The following WWOX variants were observed in gnomAD, a reference collection of about 807,000 sequenced individuals.
The protein encoded by WWOX is WW domain-containing oxidoreductase.
WWOX carries 69 observed loss-of-function variants against 46.2 expected under a neutral mutation model. The observed-to-expected ratio is 1.49, with a 90% CI of 1.23 to 1.82. The LOEUF (loss-of-function observed/expected upper bound fraction) is 1.82, where lower values mean the gene tolerates loss of function less well. WWOX is among the 40% of genes most tolerant of loss of function. WWOX has a pLI of 0.00. For missense variants in WWOX, 919 were observed against 542.6 expected (o/e 1.69, Z -6.89); for synonymous variants, 359 against 202.6 (o/e 1.77, Z -6.56).
chr16:78,244,585 C>T (rs964924996), intron 5 of WWOX, among the ~76,000 whole-genome samples: 2 of 152,114 alleles, frequency 1.3e-5, no homozygotes, highest in Non-Finnish European at 2.9e-5. Context: ...TTTCCTGGTC[C>T]TTTTGAGTAA....
chr16:78,454,746 C>G (rs1227210680), intron 8 of WWOX, among the ~76,000 whole-genome samples: 1 of 152,218 alleles, frequency 6.6e-6, no homozygotes, highest in Non-Finnish European at 1.5e-5. Context: ...ATCCATCCTC[C>G]TCAGCCTCCC....
intron 5 of WWOX, among the ~76,000 whole-genome samples, chr16:78,382,546 G>C (rs1011965388): frequency 2.6e-5 from 4 of 152,180 alleles, no homozygotes; most frequent in African/African-American, 9.7e-5. Flanking sequence ...AGAGGATCTT[G>C]TGAGCCATGC....
At chr16:79,166,442 T>C (rs2050596092) in intron 8 of WWOX, among the ~76,000 whole-genome samples, 1 of 152,220 alleles carries the variant, frequency 6.6e-6, no homozygotes, top group South Asian at 2.1e-4. Context: ...CTCCCTCCTT[T>C]GTCACAGAGC....
At chr16:79,007,193 A>G (rs750102639) in intron 8 of WWOX, among the ~76,000 whole-genome samples, 4 of 152,186 alleles carry the variant, frequency 2.6e-5, no homozygotes, top group Non-Finnish European at 5.9e-5. Flanking sequence ...GAAGTCAACG[A>G]GAAAGTCAAG....
At chr16:79,170,028 A>G (rs2050670182) in intron 8 of WWOX, among the ~76,000 whole-genome samples, 1 of 152,096 alleles carries the variant, frequency 6.6e-6, no homozygotes, top group South Asian at 2.1e-4. Flanking sequence ...ACCCCTCCTA[A>G]AAGGAGATTT....
At chr16:79,096,931 A>C (rs1480117573) in intron 8 of WWOX, among the ~76,000 whole-genome samples, 4 of 152,090 alleles carry the variant, frequency 2.6e-5, no homozygotes, top group Non-Finnish European at 5.9e-5. Context: ...TCGGGTGGGG[A>C]CATCTGTGGG....
chr16:78,883,027 T>G (rs1014478259), intron 8 of WWOX, among the ~76,000 whole-genome samples: 5 of 152,134 alleles, frequency 3.3e-5, no homozygotes, highest in South Asian at 2.1e-4. Flanking sequence ...GCAACTAAAT[T>G]GAAGGCTTGA....
intron 8 of WWOX, among the ~76,000 whole-genome samples, chr16:78,980,865 G>A (rs2046666753): frequency 6.6e-6 from 1 of 152,148 alleles, no homozygotes; most frequent in Non-Finnish European, 1.5e-5. Context: ...CTGTAATCCT[G>A]TAGGACTGGA....
chr16:78,824,976 G>A (rs76136130), intron 8 of WWOX, among the ~76,000 whole-genome samples: 2,100 of 152,248 alleles, frequency 0.014, 24 homozygotes, highest in South Asian at 0.051. Context: ...AGTAACAGTA[G>A]AAAATGGCAG....
intron 8 of WWOX, among the ~76,000 whole-genome samples, chr16:78,776,995 T>C (rs547616573): frequency 1.1e-4 from 16 of 152,284 alleles, no homozygotes; most frequent in African/African-American, 3.4e-4. Flanking sequence ...ATACCACTCA[T>C]GGCATCTCGT....
intron 8 of WWOX, among the ~76,000 whole-genome samples, chr16:78,849,436 T>C (rs901752613): frequency 8.6e-5 from 13 of 151,634 alleles, no homozygotes; most frequent in African/African-American, 2.9e-4. Flanking sequence ...TAGCCAGGCC[T>C]GGTGGCGGGC....
intron 1 of WWOX, among the ~76,000 whole-genome samples, chr16:78,102,771 G>A (rs1042688429): frequency 7.2e-5 from 11 of 152,180 alleles, no homozygotes; most frequent in Non-Finnish European, 1.3e-4. Flanking sequence ...ATGTCATGGG[G>A]CAGCTTGTTC....
At chr16:78,375,187 G>A (rs187420167) in intron 5 of WWOX, among the ~76,000 whole-genome samples, 61 of 152,210 alleles carry the variant, frequency 4.0e-4, no homozygotes, top group African/African-American at 1.4e-3. Context: ...AAAAATAACC[G>A]TCGTCGTCAT....
chr16:78,804,944 T>C (rs1319141147), intron 8 of WWOX, among the ~76,000 whole-genome samples: 1 of 152,250 alleles, frequency 6.6e-6, no homozygotes, highest in African/African-American at 2.4e-5. Flanking sequence ...ATTGAAATAT[T>C]GCTACCAATG....
chr16:79,142,879 T>A (rs1237440379), intron 8 of WWOX, among the ~76,000 whole-genome samples: 1 of 151,994 alleles, frequency 6.6e-6, no homozygotes, highest in Non-Finnish European at 1.5e-5. Context: ...TTATATATAT[T>A]TTTTTACAGA....
intron 8 of WWOX, among the ~76,000 whole-genome samples, chr16:79,040,883 C>G (rs2047958336): frequency 6.6e-6 from 1 of 152,034 alleles, no homozygotes; most frequent in African/African-American, 2.4e-5. Flanking sequence ...GTTGCCCAGC[C>G]AATTTGCCCA....
At chr16:79,004,269 A>C (rs1467122262) in intron 8 of WWOX, 1 of 152,184 alleles carries the variant, frequency 6.6e-6, no homozygotes, top group Non-Finnish European at 1.5e-5. Flanking sequence ...GAATGAATAA[A>C]AACGCTTGGC....
At chr16:79,049,557 G>T (rs956710964) in intron 8 of WWOX, among the ~76,000 whole-genome samples, 2 of 152,182 alleles carry the variant, frequency 1.3e-5, no homozygotes, top group Non-Finnish European at 2.9e-5. Flanking sequence ...CATCTGAGTG[G>T]CAGGGCGCAG....
intron 8 of WWOX, among the ~76,000 whole-genome samples, chr16:78,519,572 TC>T (rs373435275): frequency 4.3e-4 from 66 of 151,960 alleles, no homozygotes; most frequent in African/African-American, 1.4e-3. Flanking sequence ...AAAGTTTGCA[TC>T]CCCCCAAAAT....
Sources: allele counts gnomAD v4.1 joint callset (sites outside exome capture counted in the v4.1 genomes callset), GRCh38; gene constraint gnomAD v4.1.1; transcripts MANE v1.5; gene names NCBI Gene and HGNC (gene_info 2026-07-23, HGNC 2026-07-21).